HMCN1: variants seen among roughly 807,000 people sequenced by gnomAD.
HMCN1 encodes hemicentin-1.
HMCN1 carries 321 observed loss-of-function variants against 625.9 expected under a neutral mutation model. The ratio of observed to expected loss-of-function variants is 0.51; its 90% CI spans 0.47 to 0.56. The LOEUF (loss-of-function observed/expected upper bound fraction) is 0.56, where lower values mean the gene tolerates loss of function less well. Ranked by LOEUF, HMCN1 falls within the 20% of genes least tolerant of loss-of-function variation. The pLI, the probability that HMCN1 is intolerant of heterozygous loss-of-function variation, is 0.00. For missense variants in HMCN1, 6,588 were observed against 6,887.3 expected (o/e 0.96, Z 1.54); for synonymous variants, 2,425 against 2,417.6 (o/e 1.00, Z -0.09).
rs774216152 is a variant in HMCN1 at position 186,039,792 on chromosome 1, A to C, written c.6093A>C (p.Leu2031Phe). Residue 2031 changes from leucine to phenylalanine, a missense_variant, in exon 39 of 107, where the codon TTA (leucine) becomes TTC (phenylalanine). This residue lies in a region of HMCN1 where 4,628 missense variants were observed against 4,853.1 expected (regional missense o/e 0.95). Coordinates refer to ENST00000271588, the MANE Select transcript of HMCN1 (RefSeq NM_031935.3). ...VAVVVNNPVR[L>F]ECEARGIPAP... ...TGGTGGTTAATAACCCGGTGAGGTT[A>C]GAATGTGAAGCCAGAGGTATTCCTG... 1.2e-6 allele frequency: 2 copies of C among 1,613,424 alleles called. No individual in the cohort carries two copies. Among genetic ancestry groups the C allele is most frequent in the South Asian group, 2.2e-5 (2 of 91,080 alleles).
In HMCN1 at chr1:186,007,379, A is replaced by G; in HGVS notation, c.4630+97A>G. The G allele has an allele frequency of 2.7e-6, 3 of 1,114,662 alleles. No homozygotes were observed. The South Asian group carries it at 3.8e-5, about 14-fold the overall frequency. 69.0% of individuals were successfully genotyped at this position (1,114,662 alleles called of 1,614,324 possible). On this transcript the variant is annotated intron_variant, in intron 30 of 106. Coordinates refer to ENST00000271588, the MANE Select transcript of HMCN1 (RefSeq NM_031935.3). ...CTACACTCTTATTTCATACTGAATA[A>G]TTTGGAATACTACATACTTCAAGAG... is the stretch of plus-strand genomic sequence containing the variant.
chr1:186,164,300 C>T (rs556466676), intron 97 of HMCN1, among the ~76,000 whole-genome samples: 26 of 146,538 alleles, frequency 1.8e-4, no homozygotes, highest in Admixed American at 6.8e-4. Flanking sequence ...AGTGCAGTGA[C>T]GCAATCTCGG....
chr1:186,147,572 T>C (rs1005649484), intron 93 of HMCN1, among the ~76,000 whole-genome samples: 1 of 152,152 alleles, frequency 6.6e-6, no homozygotes, highest in African/African-American at 2.4e-5. Flanking sequence ...TGCAATTGTA[T>C]TTCTCTCCAA....
intron 73 of HMCN1, 101 bp downstream of exon 73, chr1:186,114,224 A>G: frequency 8.5e-7 from 1 of 1,170,672 alleles, no homozygotes; most frequent in East Asian, 2.4e-5. Context: ...GTTTAGAATC[A>G]GCATTTCATC....
chr1:186,098,321 A>T (rs1660233350), intron 68 of HMCN1, among the ~76,000 whole-genome samples: 1 of 152,060 alleles, frequency 6.6e-6, no homozygotes, highest in South Asian at 2.1e-4. Context: ...TTAATATCCG[A>T]TATATGTAAA....
At chr1:185,887,902 G>C in intron 4 of HMCN1, among the ~76,000 whole-genome samples, 1 of 142,630 alleles carries the variant, frequency 7.0e-6, no homozygotes, top group East Asian at 2.0e-4. Flanking sequence ...CACAATGGTT[G>C]AACTAGTTTA....
chr1:185,776,935 G>T (rs1656654491), intron 1 of HMCN1, among the ~76,000 whole-genome samples: 1 of 152,120 alleles, frequency 6.6e-6, no homozygotes, highest in Non-Finnish European at 1.5e-5. Flanking sequence ...GAATAGAATT[G>T]CCTTTGAAAG....
At chr1:185,828,725 A>T (rs1013479596) in intron 1 of HMCN1, among the ~76,000 whole-genome samples, 1 of 152,096 alleles carries the variant, frequency 6.6e-6, no homozygotes, top group East Asian at 1.9e-4. Context: ...AGGGAGGTAA[A>T]TTTTTTAAAA....
chr1:185,923,311 T>G, intron 7 of HMCN1, 79 bp from the exon 8 acceptor site: 1 of 1,102,784 alleles, frequency 9.1e-7, no homozygotes, highest in South Asian at 1.3e-5. Context: ...TCATATATTA[T>G]TATCATGCAA....
rs2102581415 is a variant in HMCN1, at chr1:186,153,791, G to A, written c.15060G>A (p.Leu5020=). The A allele has an allele frequency of 5.0e-6, 8 of 1,614,118 alleles. No homozygotes were observed. The highest frequency in any genetic ancestry group is 6.8e-6 in the Non-Finnish European group (8 of 1,180,012). The change falls in exon 97 of 107, where the codon CTG becomes CTA. Residue 5020 remains leucine (L), a synonymous_variant. Coordinates refer to ENST00000271588, the MANE Select transcript of HMCN1 (RefSeq NM_031935.3). ...ACATTCAAACAGGTCCTGGGCAGCT[G>A]TACGCCTACTCAACCCGGCTGTTCA... The part of the protein sequence containing the change: ...EDYIQTGPGQ[L]YAYSTRLFTI...
At chr1:185,918,284 A>G (rs560329660) in intron 6 of HMCN1, among the ~76,000 whole-genome samples, 71 of 152,316 alleles carry the variant, frequency 4.7e-4, no homozygotes, top group African/African-American at 1.6e-3. Flanking sequence ...CCAAGAGTCC[A>G]AAGGCCGAAG....
rs201865710 is a variant in HMCN1, at chr1:185,984,352, T to C, written c.2935+39T>C. The C allele has an allele frequency of 1.0e-3, 1,661 of 1,591,408 alleles. 5 individuals carry two copies. The highest frequency in any genetic ancestry group is 1.3e-3 in the Non-Finnish European group (1,505 of 1,159,424). On this transcript the variant is annotated intron_variant, in intron 19 of 106. Coordinates refer to ENST00000271588, the MANE Select transcript of HMCN1 (RefSeq NM_031935.3). ...CCAATGTTATTGTTTCGAAACTGTG[T>C]TCAAAGTAGTTGTTCTTATATTTTA... is the stretch of plus-strand genomic sequence containing the variant.
At chr1:185,866,804 C>T (rs1462243447) in intron 4 of HMCN1, among the ~76,000 whole-genome samples, 1 of 151,976 alleles carries the variant, frequency 6.6e-6, no homozygotes, top group African/African-American at 2.4e-5. Flanking sequence ...ATTTAAGTTT[C>T]TAGGAACATA....
Position 186,061,932 on chromosome 1 carries a change from A to G in HMCN1, c.7394A>G (p.Glu2465Gly). ...TGCGTTGTAAGGAATGCAGCTGGTG[A>G]AGAAAGAAAAATCTTTGGGCTTTCA... ...YTCVVRNAAG[E>G]ERKIFGLSVL... Residue 2465 changes from glutamate to glycine, a missense_variant, in exon 47 of 107, where the codon GAA (glutamate) becomes GGA (glycine). Glu to Gly is a moderately conservative substitution (Grantham distance 98). Around this residue, in one of 3 missense-constraint regions of HMCN1, gnomAD observed 4,628 missense variants for 4,853.1 expected, o/e 0.95. Coordinates refer to ENST00000271588, the MANE Select transcript of HMCN1 (RefSeq NM_031935.3). 6.2e-7 allele frequency: 1 copy of G among 1,612,418 alleles called. No homozygotes were observed. Among genetic ancestry groups the G allele is most frequent in the Non-Finnish European group, 8.5e-7 (1 of 1,178,606 alleles).
intron 1 of HMCN1, among the ~76,000 whole-genome samples, chr1:185,740,778 G>A (rs893086114): frequency 2.0e-5 from 3 of 152,118 alleles, no homozygotes; most frequent in African/African-American, 7.2e-5. Flanking sequence ...CAGATTACTT[G>A]AGGTCAGGAG....
chr1:185,875,406 A>G (rs1264612838), intron 4 of HMCN1, among the ~76,000 whole-genome samples: 1 of 152,092 alleles, frequency 6.6e-6, no homozygotes, highest in African/African-American at 2.4e-5. Context: ...TGATGTCTCA[A>G]GATGCCAGAT....
chr1:185,956,222 C>A (rs1225230166), intron 11 of HMCN1, among the ~76,000 whole-genome samples: 1 of 151,978 alleles, frequency 6.6e-6, no homozygotes, highest in African/African-American at 2.4e-5. Context: ...ATACACCAAG[C>A]AGTTCTCCAG....
Position 185,889,123 on chromosome 1 carries a change from T to C in HMCN1, c.622-20214T>C, listed in dbSNP as rs559592172. Among the ~76,000 whole-genome samples, 142 of 143,676 alleles carry C rather than the reference T, an allele frequency of 9.9e-4. 6 individuals are homozygous for C. The highest frequency in any genetic ancestry group is 4.0e-3 in the African/African-American group (139 of 34,898). The allele number at this position is 143,676 out of a possible 152,430, so 94.3% of individuals were successfully genotyped here. A position where few individuals can be genotyped will look rare whatever the true frequency, so the allele number is the denominator to read the frequency against. On this transcript the variant is annotated intron_variant, in intron 4 of 106. Transcript: ENST00000271588. ...TGGCTCTCTGTTTGTCTGTTGTTGGTGTATAGGAATGCTTGTGATTTTTGC... is the reference window on the plus strand; with the variant it reads ...TGGCTCTCTGTTTGTCTGTTGTTGGCGTATAGGAATGCTTGTGATTTTTGC...
intron 18 of HMCN1, among the ~76,000 whole-genome samples, chr1:185,983,304 C>A (rs1651783218): frequency 6.6e-6 from 1 of 152,004 alleles, no homozygotes; most frequent in Non-Finnish European, 1.5e-5. Flanking sequence ...AATGTTGAGA[C>A]TCACTCTCTT....
Sources: allele counts gnomAD v4.1 joint callset (sites outside exome capture counted in the v4.1 genomes callset), GRCh38; gene constraint gnomAD v4.1.1; regional missense constraint gnomAD v4.1.1; transcripts MANE v1.5; gene names NCBI Gene and HGNC (gene_info 2026-07-23, HGNC 2026-07-21).